FMN2: variants seen among roughly 807,000 people sequenced by gnomAD.
FMN2 encodes the protein formin 2.
In FMN2, 51 loss-of-function variants were observed where a neutral mutation model predicts 142.3. The ratio of observed to expected loss-of-function variants is 0.36; its 90% confidence interval spans 0.29 to 0.45. The LOEUF (loss-of-function observed/expected upper bound fraction) is 0.45. FMN2 is among the 20% of genes least tolerant of loss of function. The probability of loss-of-function intolerance (pLI) is 1.00; values close to 1 mark genes in which losing one functional copy is unlikely to be tolerated. For missense variants in FMN2, 1,936 were observed against 2,122.8 expected, an observed-to-expected ratio of 0.91 and a Z score of 1.73; for synonymous variants, 882 against 869.8, an observed-to-expected ratio of 1.01 and a Z score of -0.25.
chr1:240,453,198 T>C (rs1264778710), intron 16 of FMN2, among the ~76,000 whole-genome samples: 1 of 152,214 alleles, frequency 6.6e-6, no homozygotes. Flanking sequence ...CATTAATATA[T>C]TAACGTTGTT....
Position 240,178,073 on chromosome 1 carries a change from C to T in FMN2, c.1930+5C>T, listed in dbSNP as rs1478856122. On this transcript the variant is annotated splice_donor_5th_base_variant and intron_variant, in intron 3 of 17. Transcript: ENST00000319653. Reference sequence around the variant, plus strand: ...GGCTCGAGGATGCTGAAACAGGTAACCCTTTCCTTTGTCTTCAGAGATAAC... The same window carrying T: ...GGCTCGAGGATGCTGAAACAGGTAATCCTTTCCTTTGTCTTCAGAGATAAC... The T allele has an allele frequency of 6.3e-7, 1 of 1,576,698 alleles. No homozygotes were observed. Among genetic ancestry groups the T allele is most frequent in the Non-Finnish European group, 8.6e-7 (1 of 1,167,052 alleles).
At chr1:240,107,912 C>T (rs1274239678) in intron 1 of FMN2, among the ~76,000 whole-genome samples, 1 of 152,148 alleles carries the variant, frequency 6.6e-6, no homozygotes, top group African/African-American at 2.4e-5. Flanking sequence ...ATACCCTTCT[C>T]AATATCCCTA....
chr1:240,140,645 T>C (rs776511403), intron 2 of FMN2, among the ~76,000 whole-genome samples: 1 of 150,544 alleles, frequency 6.6e-6, no homozygotes, highest in Non-Finnish European at 1.5e-5. Flanking sequence ...GAACAGCTCA[T>C]GTCCAGGTTA....
rs371585321 is a variant in FMN2 at position 240,424,171 on chromosome 1, G to A, written c.4911-13890G>A. On this transcript the variant is annotated intron_variant, in intron 15 of 17. Transcript: ENST00000319653. ...ATACATAGGTGTACATGAGCAACATGTCATGAAATATGAAATAGAGTCATA... is the reference window on the plus strand; with the variant it reads ...ATACATAGGTGTACATGAGCAACATATCATGAAATATGAAATAGAGTCATA... 5.3e-5 allele frequency among the ~76,000 whole-genome samples: 8 copies of A among 152,304 alleles called. 1 individual carries two copies. The highest frequency in any genetic ancestry group is 3.9e-4 in the Admixed American group (6 of 15,304).
chr1:240,386,396 G>A (rs1673406475), intron 14 of FMN2, among the ~76,000 whole-genome samples: 1 of 152,154 alleles, frequency 6.6e-6, no homozygotes, highest in African/African-American at 2.4e-5. Context: ...TTAGAGCCTA[G>A]ACAAACAGAT....
chr1:240,197,891 A>T (rs933516417), intron 4 of FMN2, among the ~76,000 whole-genome samples: 36 of 151,806 alleles, frequency 2.4e-4, no homozygotes, highest in African/African-American at 8.5e-4. Context: ...CTGGTCTCAA[A>T]CTCCTGACCT....
chr1:240,149,059 G>A (rs540403191), intron 2 of FMN2, among the ~76,000 whole-genome samples: 1 of 152,122 alleles, frequency 6.6e-6, no homozygotes, highest in East Asian at 1.9e-4. Flanking sequence ...TAAACCCCAG[G>A]GTTTTTCTTC....
At chr1:240,467,938 T>G (rs887657590) in intron 16 of FMN2, among the ~76,000 whole-genome samples, 1 of 152,236 alleles carries the variant, frequency 6.6e-6, no homozygotes, top group African/African-American at 2.4e-5. Context: ...GTCTCTGCTT[T>G]CTGTGTTGTT....
chr1:240,384,411 G>C (rs1389045664), intron 14 of FMN2, among the ~76,000 whole-genome samples: 2 of 152,136 alleles, frequency 1.3e-5, no homozygotes, highest in Admixed American at 6.5e-5. Flanking sequence ...GGCTGGTGCT[G>C]CCTCTGCACA....
At chr1:240,362,443 T>A (rs1052037371) in intron 14 of FMN2, among the ~76,000 whole-genome samples, 16 of 152,190 alleles carry the variant, frequency 1.1e-4, no homozygotes, top group Admixed American at 9.8e-4. Flanking sequence ...TATAGAAAGA[T>A]GAGATAAATG....
At chr1:240,110,630 G>C (rs1451605598) in intron 1 of FMN2, among the ~76,000 whole-genome samples, 1 of 152,164 alleles carries the variant, frequency 6.6e-6, no homozygotes, top group South Asian at 2.1e-4. Flanking sequence ...TGACTGCAAA[G>C]CTGATTCTAC....
chr1:240,283,342 T>C (rs1191505189), intron 7 of FMN2, among the ~76,000 whole-genome samples: 2 of 152,164 alleles, frequency 1.3e-5, no homozygotes, highest in African/African-American at 2.4e-5. Flanking sequence ...CCTCTCCTCA[T>C]TACTATTTAG....
chr1:240,095,272 A>G lies in FMN2; in HGVS notation c.1615+1548A>G, dbSNP rs533677471. Reference sequence around the variant, plus strand: ...AAAATAATTCACCATAATGATTATCAATCATTAATATTAATGATAGCTATT... The same window carrying G: ...AAAATAATTCACCATAATGATTATCGATCATTAATATTAATGATAGCTATT... On this transcript the variant is annotated intron_variant, in intron 1 of 17. Transcript: ENST00000319653. Among the ~76,000 whole-genome samples the G allele has an allele frequency of 4.6e-5, 7 of 152,284 alleles. No homozygotes were observed. In the East Asian group the frequency reaches 1.3e-3, roughly 29 times the overall value.
At chr1:240,298,155 C>G (rs1670057682) in intron 8 of FMN2, among the ~76,000 whole-genome samples, 4 of 152,120 alleles carry the variant, frequency 2.6e-5, no homozygotes, top group African/African-American at 9.7e-5. Flanking sequence ...TGCTGCTGTT[C>G]TCAAACTTTA....
intron 2 of FMN2, among the ~76,000 whole-genome samples, chr1:240,124,321 C>T (rs557064288): frequency 6.6e-6 from 1 of 152,088 alleles, no homozygotes; most frequent in Non-Finnish European, 1.5e-5. Flanking sequence ...ATGGGCCCTA[C>T]GATGCTATTT....
intron 1 of FMN2, among the ~76,000 whole-genome samples, chr1:240,099,495 C>T (rs1007339590): frequency 2.6e-5 from 4 of 152,066 alleles, no homozygotes; most frequent in East Asian, 1.9e-4. Flanking sequence ...GAAGAGGAGG[C>T]GGTAGCTGAC....
intron 16 of FMN2, among the ~76,000 whole-genome samples, chr1:240,468,818 C>T (rs1160871917): frequency 6.6e-6 from 1 of 152,068 alleles, no homozygotes; most frequent in African/African-American, 2.4e-5. Context: ...AATGGAGAGC[C>T]CAAGTAGGAA....
At chr1:240,307,074 C>A (rs964408253) in intron 8 of FMN2, among the ~76,000 whole-genome samples, 1 of 152,124 alleles carries the variant, frequency 6.6e-6, no homozygotes, top group African/African-American at 2.4e-5. Context: ...TTGTCCTTTG[C>A]CACTTTTTAA....
intron 2 of FMN2, among the ~76,000 whole-genome samples, chr1:240,155,837 T>C (rs1289150497): frequency 6.6e-6 from 1 of 150,526 alleles, no homozygotes. Flanking sequence ...AAGGACTCTT[T>C]AGCTATATCA....
Sources: gnomAD v4.1 joint callset for allele counts (sites outside exome capture counted in the v4.1 genomes callset) on GRCh38, gnomAD v4.1.1 for gene constraint, MANE v1.5 for transcripts, NCBI Gene and HGNC (gene_info 2026-07-23, HGNC 2026-07-21) for gene names.